The following PLRG1 variants were observed in gnomAD, a reference collection of about 807,000 sequenced individuals.
PLRG1 encodes the protein pleiotropic regulator 1 (PRL1 homolog, Arabidopsis).
PLRG1 carries 28 observed loss-of-function variants against 74.9 expected under a neutral mutation model. The ratio of observed to expected loss-of-function variants is 0.37; its 90% CI spans 0.28 to 0.51. The LOEUF (loss-of-function observed/expected upper bound fraction) is 0.51, where lower values mean the gene tolerates loss of function less well. Among genes scored for constraint, PLRG1 ranks in the 20% least tolerant of loss-of-function variants. PLRG1 has a pLI of 0.91. For missense variants in PLRG1, 445 were observed against 631.9 expected (o/e 0.70, Z 3.17); for synonymous variants, 197 against 212.4 (o/e 0.93, Z 0.63).
At chr4:154,547,475 T>C in intron 3 of PLRG1, 1 of 557,770 alleles carries the variant, frequency 1.8e-6, no homozygotes, top group African/African-American at 1.9e-5. Context: ...ACTGTGACCT[T>C]CTCCACACTC....
chr4:154,546,039 AATAGTT>A (rs1729646453), intron 5 of PLRG1, 78 bp downstream of exon 5: 4 of 1,073,788 alleles, frequency 3.7e-6, no homozygotes, highest in East Asian at 2.6e-5. Flanking sequence ...AATGTCATAT[AATAGTT>A]ATAAAGAAAT....
At chr4:154,541,343 A>G (rs1202259505) in intron 8 of PLRG1, among the ~76,000 whole-genome samples, 1 of 152,170 alleles carries the variant, frequency 6.6e-6, no homozygotes, top group Non-Finnish European at 1.5e-5. Flanking sequence ...TTTGCTTACC[A>G]TATTAGATAT....
Position 154,544,477 on chromosome 4 carries a change from GT to G in PLRG1, c.561del (p.Lys187AsnfsTer42). On this transcript the variant is annotated frameshift_variant, in exon 7 of 15. Transcript: ENST00000499023. LOFTEE classifies it high-confidence loss of function. Reference protein sequence around the residue: ...LMAKKAPTMPKPQWHPPWKLY... With the variant: ...LMAKKAPTMPXPQWHPPWKLY... Reference sequence around the variant, plus strand: ...AGTTTCCACGGTGGGTGCCACTGGGGTTTTGGCATTGTAGGGGCTTTTTTAG... The same window carrying G: ...AGTTTCCACGGTGGGTGCCACTGGGGTTTGGCATTGTAGGGGCTTTTTTAG... 6.2e-7 allele frequency: 1 copy of G among 1,610,812 alleles called. No individual in the cohort carries two copies. Among genetic ancestry groups the G allele is most frequent in the Non-Finnish European group, 8.5e-7 (1 of 1,177,160 alleles).
At chr4:154,544,324 C>A in intron 7 of PLRG1, 121 bp downstream of exon 7, 1 of 657,928 alleles carries the variant, frequency 1.5e-6, no homozygotes, top group South Asian at 1.8e-5. Context: ...TCTCAATCCA[C>A]CTCAGATCGC....
intron 3 of PLRG1, among the ~76,000 whole-genome samples, chr4:154,547,290 T>C (rs1043711045): frequency 6.6e-6 from 1 of 152,192 alleles, no homozygotes; most frequent in Admixed American, 6.5e-5. Context: ...GAAGCCCTCC[T>C]ATCAAGTGAC....
rs535463495 is a variant in PLRG1, at chr4:154,542,654, G to C, written c.595-375C>G. On this transcript the variant is annotated intron_variant, in intron 7 of 14. Transcript: ENST00000499023. ...CCTAAGTGTCCATCATGAGGTGAAT[G>C]GATAAATAAAATGTGGTACATACAC... 4.6e-5 allele frequency among the ~76,000 whole-genome samples: 7 copies of C among 152,124 alleles called. No individual in the cohort carries two copies. The South Asian group carries it at 1.5e-3, about 32-fold the overall frequency.
intron 3 of PLRG1, 133 bp downstream of exon 3, chr4:154,547,578 T>C (rs574631472): frequency 2.7e-6 from 2 of 746,568 alleles, no homozygotes; most frequent in Admixed American, 2.7e-5. Flanking sequence ...ACTTCCATTA[T>C]AATACAGGTA....
At chr4:154,548,764 G>T in intron 2 of PLRG1, 65 bp downstream of exon 2, 1 of 820,348 alleles carries the variant, frequency 1.2e-6, no homozygotes, top group Non-Finnish European at 2.1e-6. Flanking sequence ...CCCTCTCCCT[G>T]CTCTCTTCCC....
In PLRG1 at chr4:154,548,866, C is replaced by T. The variant is rs1471951642; in HGVS notation, c.79G>A (p.Ala27Thr). ...AAAGGCACAGGTTTTCCATTATCAG[C>T]TACAAACATGTCATGGGTCCTCTTC... ...SLKRTHDMFV[A>T]DNGKPVPLDE... is the part of the protein sequence containing the mutation. Residue 27 changes from alanine (A) to threonine (T), a missense_variant, in exon 2 of 15, where the codon GCT becomes ACT. Physicochemically the swap from Ala to Thr is moderately conservative, Grantham distance 58 (BLOSUM62 0). Transcript: ENST00000499023. 1 of 1,610,606 alleles carries T rather than the reference C, an allele frequency of 6.2e-7. No homozygotes were observed. The highest frequency in any genetic ancestry group is 1.3e-5 in the African/African-American group (1 of 74,780).
chr4:154,537,796 A>G (rs1366959106), intron 13 of PLRG1, among the ~76,000 whole-genome samples, 173 bp downstream of exon 13: 1 of 152,154 alleles, frequency 6.6e-6, no homozygotes, highest in Non-Finnish European at 1.5e-5. Flanking sequence ...GAAATATACT[A>G]CATGTAATAT....
chr4:154,549,661 T>C (rs1034995577), intron 1 of PLRG1: 24 of 456,100 alleles, frequency 5.3e-5, no homozygotes, highest in Admixed American at 7.1e-5. Context: ...ATGAACAACT[T>C]ACGTTTTAAA....
intron 4 of PLRG1, chr4:154,546,802 G>C: frequency 1.8e-6 from 1 of 567,762 alleles, no homozygotes; most frequent in Non-Finnish European, 3.2e-6. Context: ...TGAATTCCTA[G>C]CACATTGCCT....
In PLRG1 at chr4:154,547,749, G is replaced by A. The variant is rs748534752; in HGVS notation, c.221C>T (p.Thr74Met). ...NLKEKGPQNA[T>M]DSYVHKQYPA... ...GTACTGTTTATGAACATATGAATCCGTTGCATTCTGAGGACCCTTCTCTTT... is the reference window on the plus strand; with the variant it reads ...GTACTGTTTATGAACATATGAATCCATTGCATTCTGAGGACCCTTCTCTTT... The change falls in exon 3 of 15, where the codon ACG (threonine) becomes ATG (methionine). Residue 74 changes from threonine (T) to methionine (M), a missense_variant. By Grantham distance (81) the Thr-to-Met change is moderately conservative. Around this residue, in one of 3 missense-constraint regions of PLRG1, gnomAD observed 206 missense variants for 210.8 expected, o/e 0.98. Coordinates refer to ENST00000499023, the MANE Select transcript of PLRG1 (RefSeq NM_002669.4). 2.3e-5 allele frequency: 37 copies of A among 1,612,700 alleles called. No homozygotes were observed. Among genetic ancestry groups the A allele is most frequent in the South Asian group, 5.5e-5 (5 of 91,050 alleles).
chr4:154,541,016 C>A (rs1446972889), intron 8 of PLRG1, 82 bp from the exon 9 acceptor site: 14 of 1,020,996 alleles, frequency 1.4e-5, no homozygotes, highest in Middle Eastern at 2.2e-4. Context: ...TAAAACTGAG[C>A]TTTCAAAGAC....
intron 1 of PLRG1, chr4:154,549,587 T>C (rs1453416247): frequency 6.9e-6 from 3 of 432,174 alleles, no homozygotes; most frequent in East Asian, 7.0e-5. Flanking sequence ...TTTTAGACTA[T>C]TACAACAGCC....
At chr4:154,542,387 A>G in intron 7 of PLRG1, 108 bp from the exon 8 acceptor site, 1 of 675,092 alleles carries the variant, frequency 1.5e-6, no homozygotes. Flanking sequence ...ATCATAAAAG[A>G]TAATGACTAT....
intron 12 of PLRG1, 130 bp from the exon 13 acceptor site, chr4:154,538,238 G>A (rs150170161): frequency 1.1e-3 from 474 of 439,990 alleles, no homozygotes; most frequent in African/African-American, 8.2e-3. Flanking sequence ...CAAAATAGTC[G>A]TATCAAAATG....
chr4:154,540,108 G>C (rs781531563), intron 10 of PLRG1, 55 bp from the exon 11 acceptor site: 9 of 924,710 alleles, frequency 9.7e-6, no homozygotes, highest in Non-Finnish European at 1.6e-5. Flanking sequence ...ATTATCTCAA[G>C]AAGATAACTG....
In PLRG1 at chr4:154,550,371, C is replaced by T. The variant is rs1379328133; in HGVS notation, c.-63G>A. The T allele has an allele frequency of 1.3e-5, 20 of 1,514,724 alleles. No homozygotes were observed. Among genetic ancestry groups the T allele is most frequent in the East Asian group, 4.5e-5 (2 of 44,418 alleles). 93.8% of individuals were successfully genotyped at this position (1,514,724 alleles called of 1,614,324 possible). A position where few individuals can be genotyped will look rare whatever the true frequency, so the allele number is the denominator to read the frequency against. On this transcript the variant is annotated 5_prime_UTR_variant, in exon 1 of 15. Coordinates refer to ENST00000499023, the MANE Select transcript of PLRG1 (RefSeq NM_002669.4). ...CTCTAATCACTAACGCAGTACCCGC[C>T]GCCACAGCTGTGCAGCACCTTCCGG...
Sources: gnomAD v4.1 joint callset for allele counts (sites outside exome capture counted in the v4.1 genomes callset) on GRCh38, gnomAD v4.1.1 for gene constraint, gnomAD v4.1.1 regional missense constraint, MANE v1.5 for transcripts, NCBI Gene and HGNC (gene_info 2026-07-23, HGNC 2026-07-21) for gene names.